DLG2: variants seen among roughly 807,000 people sequenced by gnomAD.
The protein encoded by DLG2 is disks large homolog 2.
In DLG2, 45 loss-of-function variants were observed where a neutral mutation model predicts 132.5. The observed-to-expected ratio is 0.34, with a 90% CI of 0.27 to 0.44. The LOEUF (loss-of-function observed/expected upper bound fraction) is 0.44, where lower values mean the gene tolerates loss of function less well. Ranked by LOEUF, DLG2 falls within the 20% of genes least tolerant of loss-of-function variation. DLG2 has a pLI of 1.00. For missense variants in DLG2, 1,045 were observed against 1,196.9 expected (o/e 0.87, Z 1.87); for synonymous variants, 424 against 419.6 (o/e 1.01, Z -0.13).
chr11:84,059,653 A>C (rs547960801), intron 10 of DLG2, among the ~76,000 whole-genome samples, 169 bp from the exon 11 acceptor site: 1 of 152,318 alleles, frequency 6.6e-6, no homozygotes, highest in South Asian at 2.1e-4. Context: ...AAAAATGTCA[A>C]ACTACTCAAG....
At chr11:84,956,050 C>G (rs984934517) in intron 6 of DLG2, among the ~76,000 whole-genome samples, 1 of 152,116 alleles carries the variant, frequency 6.6e-6, no homozygotes, top group African/African-American at 2.4e-5. Flanking sequence ...CCCTGACTAC[C>G]CAGCCAGGTA....
chr11:85,613,148 T>C (rs999309805), intron 2 of DLG2, among the ~76,000 whole-genome samples: 1 of 152,190 alleles, frequency 6.6e-6, no homozygotes, highest in Non-Finnish European at 1.5e-5. Context: ...CCTTTCTAGG[T>C]CCCATGGCAG....
intron 4 of DLG2, among the ~76,000 whole-genome samples, chr11:85,208,930 T>G (rs1420638938): frequency 6.6e-6 from 1 of 152,052 alleles, no homozygotes; most frequent in Non-Finnish European, 1.5e-5. Flanking sequence ...AAGGCTTATG[T>G]AAGAAAACAA....
At chr11:84,464,619 C>G (rs2154486913) in intron 7 of DLG2, among the ~76,000 whole-genome samples, 1 of 151,050 alleles carries the variant, frequency 6.6e-6, no homozygotes, top group East Asian at 2.0e-4. Context: ...AGTTTGCCTG[C>G]ATCAAGAGGT....
At chr11:84,063,898 G>A (rs2096630008) in intron 10 of DLG2, among the ~76,000 whole-genome samples, 1 of 150,610 alleles carries the variant, frequency 6.6e-6, no homozygotes, top group Non-Finnish European at 1.5e-5. Flanking sequence ...TCACTCATAG[G>A]TGGGAATTGA....
intron 10 of DLG2, among the ~76,000 whole-genome samples, chr11:84,081,202 T>A (rs940673962): frequency 6.6e-6 from 1 of 151,996 alleles, no homozygotes; most frequent in South Asian, 2.1e-4. Flanking sequence ...ACAGGCACAT[T>A]TGCATAATCA....
At chr11:85,485,257 A>T (rs1299734979) in intron 3 of DLG2, among the ~76,000 whole-genome samples, 1 of 147,974 alleles carries the variant, frequency 6.8e-6, no homozygotes, top group African/African-American at 2.5e-5. Flanking sequence ...ATGCTAGATG[A>T]CGAGTTAGTG....
At chr11:85,037,227 C>A (rs1213726576) in intron 6 of DLG2, among the ~76,000 whole-genome samples, 1 of 152,136 alleles carries the variant, frequency 6.6e-6, no homozygotes, top group Non-Finnish European at 1.5e-5. Flanking sequence ...CCCAAAACAT[C>A]ATATCGTCAC....
intron 6 of DLG2, among the ~76,000 whole-genome samples, chr11:84,744,712 A>G (rs1267852237): frequency 2.0e-5 from 3 of 152,204 alleles, no homozygotes; most frequent in Non-Finnish European, 2.9e-5. Flanking sequence ...GGAGTTTCTC[A>G]GAAAGCTTTC....
chr11:84,418,365 T>C (rs998597957), intron 7 of DLG2, among the ~76,000 whole-genome samples: 14 of 152,228 alleles, frequency 9.2e-5, no homozygotes, highest in African/African-American at 3.1e-4. Context: ...GCAACAATAC[T>C]AGTCCAGAAT....
At chr11:83,873,859 C>G (rs1041446677) in intron 16 of DLG2, among the ~76,000 whole-genome samples, 10 of 152,174 alleles carry the variant, frequency 6.6e-5, no homozygotes, top group African/African-American at 2.4e-4. Flanking sequence ...TGACCATTTA[C>G]AGTTAGGTAT....
At chr11:83,984,207 TAGATAGATA>T (rs2093048182) in intron 11 of DLG2, among the ~76,000 whole-genome samples, 2 of 144,120 alleles carry the variant, frequency 1.4e-5, no homozygotes, top group Non-Finnish European at 3.0e-5. Flanking sequence ...GATAGATAGA[TAGATAGATA>T]GATAGATAGA....
chr11:84,136,663 T>A (rs1394933105), intron 9 of DLG2, among the ~76,000 whole-genome samples: 1 of 152,142 alleles, frequency 6.6e-6, no homozygotes, highest in East Asian at 1.9e-4. Flanking sequence ...AAACAAAATA[T>A]GACCGTAAAC....
In DLG2 at chr11:83,978,908, C is replaced by T. The variant is rs145804090; in HGVS notation, c.1056+1598G>A. 3.1e-3 allele frequency among the ~76,000 whole-genome samples: 474 copies of T among 152,212 alleles called. 1 individual carries two copies. Among genetic ancestry groups the T allele is most frequent in the Non-Finnish European group, 5.4e-3 (365 of 67,992 alleles). ...TATAGCTTGGTAGTAATGAGTGGTG[C>T]TAGCCAGATTGCCTCAATTTGAAAC... On this transcript the variant is annotated intron_variant, in intron 12 of 27. Coordinates refer to ENST00000376104, the MANE Select transcript of DLG2 (RefSeq NM_001142699.3).
At chr11:85,446,220 A>T (rs1480740170) in intron 3 of DLG2, among the ~76,000 whole-genome samples, 1 of 152,200 alleles carries the variant, frequency 6.6e-6, no homozygotes, top group Non-Finnish European at 1.5e-5. Flanking sequence ...TTCATTAGGG[A>T]TTTTAAGTCT....
At position 84,502,172 on chromosome 11, in the gene DLG2, C is replaced by CTT. The variant is rs1567802222; in HGVS notation, c.519+32397_519+32398insAA. The stretch of plus-strand genomic sequence containing the variant: ...TTCCTTCCTTCCTTTCTCTCTCTCT[C>CTT]TCTTTCTCTCTCTTTCTCTCTCTCT... On this transcript the variant is annotated intron_variant, in intron 7 of 27. Coordinates refer to ENST00000376104, the MANE Select transcript of DLG2 (RefSeq NM_001142699.3). Among the ~76,000 whole-genome samples the CTT allele has an allele frequency of 8.3e-5, 3 of 36,246 alleles. 1 individual carries two copies. Among genetic ancestry groups the CTT allele is most frequent in the African/African-American group, 6.3e-4 (3 of 4,758 alleles). The allele number at this position is 36,246 out of a possible 152,430, so 23.8% of individuals were successfully genotyped here.
At chr11:84,656,340 A>G (rs1453483144) in intron 6 of DLG2, among the ~76,000 whole-genome samples, 1 of 152,202 alleles carries the variant, frequency 6.6e-6, no homozygotes, top group Non-Finnish European at 1.5e-5. Flanking sequence ...AGCCATGGAA[A>G]CAAAAATCAC....
intron 19 of DLG2, among the ~76,000 whole-genome samples, chr11:83,627,918 A>G (rs2062880221): frequency 6.6e-6 from 1 of 152,174 alleles, no homozygotes; most frequent in Admixed American, 6.5e-5. Flanking sequence ...AACTGGTATG[A>G]GATGGTATCT....
intron 25 of DLG2, among the ~76,000 whole-genome samples, chr11:83,467,776 TA>T (rs2091342101): frequency 2.5e-5 from 1 of 40,054 alleles, no homozygotes; most frequent in African/African-American, 2.1e-4. Flanking sequence ...TATATGTATA[TA>T]TATATATATA....
Sources: allele counts gnomAD v4.1 joint callset (sites outside exome capture counted in the v4.1 genomes callset), GRCh38; gene constraint gnomAD v4.1.1; transcripts MANE v1.5; gene names NCBI Gene and HGNC (gene_info 2026-07-23, HGNC 2026-07-21).